Variants in MYH9 observed in about 807,000 individuals in gnomAD.
The protein encoded by MYH9 is myosin heavy chain 9, also known as myosin-9.
A neutral mutation model predicts 241.9 loss-of-function variants in MYH9; 29 were observed. The observed-to-expected ratio is 0.12, with a 90% CI of 0.09 to 0.16. The LOEUF is 0.16. Ranked by LOEUF, MYH9 falls within the 10% of genes least tolerant of loss-of-function variation. The probability of loss-of-function intolerance (pLI) is 1.00; values close to 1 mark genes in which losing one functional copy is unlikely to be tolerated. For missense variants in MYH9, 1,803 were observed against 2,595.5 expected (o/e 0.69, Z 6.63); for synonymous variants, 1,047 against 1,062.6 (o/e 0.99, Z 0.29).
chr22:36,322,770 G>A (rs1248162443), intron 5 of MYH9, among the ~76,000 whole-genome samples: 1 of 152,242 alleles, frequency 6.6e-6, no homozygotes, highest in Non-Finnish European at 1.5e-5. Flanking sequence ...CCTGGAAACG[G>A]CAGGCAGGAA....
chr22:36,386,462 CAG>C (rs565955373), intron 1 of MYH9, among the ~76,000 whole-genome samples: 92 of 152,326 alleles, frequency 6.0e-4, no homozygotes, highest in Non-Finnish European at 9.4e-4. Context: ...AACACTGGCC[CAG>C]ACAGTGTAGT....
chr22:36,284,661 C>G, intron 38 of MYH9, 150 bp from the exon 39 acceptor site: 1 of 755,866 alleles, frequency 1.3e-6, no homozygotes, highest in Non-Finnish European at 2.3e-6. Context: ...GTGTACCCGG[C>G]TTCTTACGAC....
At position 36,297,005 on chromosome 22, in the gene MYH9, C is replaced by A. The variant is rs1194942976; in HGVS notation, c.3110G>T (p.Arg1037Leu). 1.9e-6 allele frequency: 3 copies of A among 1,613,956 alleles called. No individual in the cohort carries two copies. In the East Asian group the frequency reaches 6.7e-5, roughly 36 times the overall value. ...CTCCTGTCGCTGCTTCTCCTCCCTG[C>A]GGAGGCGCTCTGCAATGCAGGGGGA... ...AMITDLEERL[R>L]REEKQRQELE... The change falls in exon 25 of 41, where the codon CGC becomes CTC. Residue 1037 changes from arginine (R) to leucine (L), a missense_variant. Around this residue, in one of 11 missense-constraint regions of MYH9, gnomAD observed 290 missense variants for 360.5 expected, o/e 0.80. Transcript: ENST00000216181.
chr22:36,353,390 T>G (rs2017803525), intron 1 of MYH9, among the ~76,000 whole-genome samples: 1 of 152,076 alleles, frequency 6.6e-6, no homozygotes, highest in Non-Finnish European at 1.5e-5. Context: ...AGACAGAGAC[T>G]CACTCTGTTG....
Position 36,285,687 on chromosome 22 carries a change from T to A in MYH9, c.5245A>T (p.Asn1749Tyr). The A allele has an allele frequency of 6.2e-7, 1 of 1,612,888 alleles. No individual in the cohort carries two copies. The highest frequency in any genetic ancestry group is 8.5e-7 in the Non-Finnish European group (1 of 1,180,004). The change falls in exon 37 of 41, where the codon AAC becomes TAC. Residue 1749 changes from asparagine to tyrosine, a missense_variant. By Grantham distance (143) the Asn-to-Tyr change is moderately radical. Transcript: ENST00000216181. This position sits in a 1 kb window ranked among gnomAD's most constrained non-coding sequence, Gnocchi z 7.0. ...AGGTTGGCCTTCTTCAGCCGGTCGT[T>A]GATCAGCTCCGTGTTGCCCTGCTCC... ...EEEQGNTELI[N>Y]DRLKKANLQI...
chr22:36,308,950 A>G, intron 15 of MYH9: 1 of 802,190 alleles, frequency 1.2e-6, no homozygotes, highest in Non-Finnish European at 1.5e-6. Context: ...AACCACTCAA[A>G]GCAACCAGCC....
chr22:36,352,864 G>A (rs1170593264), intron 1 of MYH9, among the ~76,000 whole-genome samples: 4 of 152,238 alleles, frequency 2.6e-5, no homozygotes, highest in Admixed American at 6.5e-5. Flanking sequence ...GCTCAGCCTG[G>A]CCAAGGACAG....
At chr22:36,317,811 C>T (rs1025697098) in intron 11 of MYH9, among the ~76,000 whole-genome samples, 24 of 152,252 alleles carry the variant, frequency 1.6e-4, no homozygotes, top group African/African-American at 5.1e-4. Context: ...GAGAAACAGC[C>T]GCTTGGCACA....
At chr22:36,298,794 A>G in intron 24 of MYH9, 125 bp downstream of exon 24, 2 of 1,418,538 alleles carry the variant, frequency 1.4e-6, no homozygotes, top group Non-Finnish European at 9.8e-7. Flanking sequence ...CCAGTGCTGT[A>G]GTGTGACCCA....
At chr22:36,374,924 C>A (rs1293974535) in intron 1 of MYH9, among the ~76,000 whole-genome samples, 1 of 152,170 alleles carries the variant, frequency 6.6e-6, no homozygotes, top group Non-Finnish European at 1.5e-5. Context: ...CTTGCCACAC[C>A]ATGTCTCTAC....
intron 21 of MYH9, 54 bp downstream of exon 21, chr22:36,301,480 G>C: frequency 2.5e-6 from 4 of 1,608,342 alleles, no homozygotes; most frequent in Non-Finnish European, 3.4e-6. Flanking sequence ...TGGCCAGCAG[G>C]TGGCAGCACC....
chr22:36,383,103 C>G (rs1260793962), intron 1 of MYH9, among the ~76,000 whole-genome samples: 1 of 151,934 alleles, frequency 6.6e-6, no homozygotes, highest in South Asian at 2.1e-4. Flanking sequence ...CACTTGTAAT[C>G]CTGGCTACTC....
At chr22:36,292,337 G>C in intron 30 of MYH9, 103 bp from the exon 31 acceptor site, 1 of 1,503,280 alleles carries the variant, frequency 6.7e-7, no homozygotes, top group Non-Finnish European at 9.2e-7. Flanking sequence ...ACCGTGGAAG[G>C]GGCACCAGGG....
chr22:36,365,760 C>CT (rs1172722845), intron 1 of MYH9, among the ~76,000 whole-genome samples: 1 of 152,130 alleles, frequency 6.6e-6, no homozygotes, highest in Non-Finnish European at 1.5e-5. Context: ...CGCACCCGGC[C>CT]TTTTTTTAAA....
At chr22:36,297,177 A>G in intron 24 of MYH9, 163 bp from the exon 25 acceptor site, 5 of 757,308 alleles carry the variant, frequency 6.6e-6, no homozygotes, top group Non-Finnish European at 1.1e-5. Flanking sequence ...CAGGAAGAGG[A>G]CATCACTGCA....
At chr22:36,368,441 T>C (rs2018042786) in intron 1 of MYH9, among the ~76,000 whole-genome samples, 3 of 152,096 alleles carry the variant, frequency 2.0e-5, no homozygotes, top group South Asian at 4.1e-4. Context: ...CCACTGCCTC[T>C]AGGGGTGCAA....
intron 1 of MYH9, among the ~76,000 whole-genome samples, chr22:36,350,297 G>A (rs1378334461): frequency 6.6e-6 from 1 of 152,242 alleles, no homozygotes; most frequent in Non-Finnish European, 1.5e-5. Flanking sequence ...TAGCACTTTG[G>A]GAGGCCGAGG....
intron 1 of MYH9, among the ~76,000 whole-genome samples, chr22:36,384,141 G>A (rs951701698): frequency 1.3e-5 from 2 of 151,766 alleles, no homozygotes; most frequent in African/African-American, 2.4e-5. Flanking sequence ...TATGGTGGCA[G>A]GCACCTGTAA....
chr22:36,358,133 T>C (rs570076066), intron 1 of MYH9, among the ~76,000 whole-genome samples: 6 of 152,168 alleles, frequency 3.9e-5, no homozygotes, highest in East Asian at 1.9e-4. Flanking sequence ...GGCGTGATCT[T>C]GGCTCACTGC....
Sources: allele counts gnomAD v4.1 joint callset (sites outside exome capture counted in the v4.1 genomes callset), GRCh38; gene constraint gnomAD v4.1.1; regional missense constraint gnomAD v4.1.1; non-coding constraint Gnocchi (gnomAD v3.1); transcripts MANE v1.5; gene names NCBI Gene and HGNC (gene_info 2026-07-23, HGNC 2026-07-21).